NAV1: variants seen among roughly 807,000 people sequenced by gnomAD.
NAV1 encodes neuron navigator 1.
Under a neutral mutation model 175.2 loss-of-function variants are expected in NAV1, and 18 were observed. The observed-to-expected ratio is 0.10, with a 90% CI of 0.07 to 0.15. The LOEUF (loss-of-function observed/expected upper bound fraction) is 0.15, where lower values mean the gene tolerates loss of function less well. NAV1 is among the 10% of genes least tolerant of loss of function. The probability of loss-of-function intolerance (pLI) is 1.00; values close to 1 mark genes in which losing one functional copy is unlikely to be tolerated. For missense variants in NAV1, 1,731 were observed against 2,436.6 expected (o/e 0.71, Z 6.10); for synonymous variants, 897 against 978.7 (o/e 0.92, Z 1.56).
intron 3 of NAV1, among the ~76,000 whole-genome samples, chr1:201,759,550 G>A (rs1164306001): frequency 6.6e-6 from 1 of 152,206 alleles, no homozygotes; most frequent in African/African-American, 2.4e-5. Flanking sequence ...TAAAACTGCA[G>A]ATTTTCCTTT....
intron 1 of NAV1, among the ~76,000 whole-genome samples, chr1:201,624,842 T>C (rs1668284634): frequency 6.6e-6 from 1 of 152,124 alleles, no homozygotes; most frequent in Admixed American, 6.5e-5. Context: ...ATTTTGGGCA[T>C]AGAAAAGCTT....
chr1:201,542,383 C>A (rs1467305105), intron 1 of NAV1, among the ~76,000 whole-genome samples: 1 of 152,158 alleles, frequency 6.6e-6, no homozygotes. Context: ...ACTTGGCAAA[C>A]ACTTCGTCTT....
exon 30 of NAV1, chr1:201,825,716 C>G (rs1360502959): frequency 6.6e-6 from 1 of 152,630 alleles, no homozygotes; most frequent in African/African-American, 2.4e-5. Context: ...GGCTGGTGTG[C>G]AGTGGCACGA....
chr1:201,811,228 C>T (rs911509666), intron 24 of NAV1, among the ~76,000 whole-genome samples: 10 of 152,190 alleles, frequency 6.6e-5, no homozygotes, highest in African/African-American at 2.4e-4. Flanking sequence ...GTACATATTA[C>T]ACCCTCCCCT....
At chr1:201,583,235 T>C (rs541859399) in intron 1 of NAV1, among the ~76,000 whole-genome samples, 28 of 152,368 alleles carry the variant, frequency 1.8e-4, no homozygotes, top group African/African-American at 5.3e-4. Context: ...GGCTCGCCCG[T>C]GTTGGTATAA....
intron 2 of NAV1, among the ~76,000 whole-genome samples, chr1:201,614,049 T>C (rs903484544): frequency 1.8e-4 from 2 of 11,354 alleles, no homozygotes; most frequent in African/African-American, 7.0e-4. Flanking sequence ...GTTGGGAAGA[T>C]GGGGCTGGGG....
intron 1 of NAV1, among the ~76,000 whole-genome samples, chr1:201,708,747 TG>T (rs1216881699): frequency 6.6e-6 from 1 of 152,156 alleles, no homozygotes; most frequent in South Asian, 2.1e-4. Context: ...TCTGCATCTT[TG>T]CCATGTCTGG....
At chr1:201,545,680 T>C (rs1665648133) in intron 1 of NAV1, among the ~76,000 whole-genome samples, 1 of 152,252 alleles carries the variant, frequency 6.6e-6, no homozygotes, top group African/African-American at 2.4e-5. Flanking sequence ...TTTATGAGCT[T>C]ACTGGCACAG....
At chr1:201,814,271 G>A (rs1678884559) in intron 28 of NAV1, among the ~76,000 whole-genome samples, 1 of 151,630 alleles carries the variant, frequency 6.6e-6, no homozygotes, top group Admixed American at 6.6e-5. Flanking sequence ...TCTGGAGGGT[G>A]AGGCCAGAAG....
At chr1:201,640,055 T>G (rs934097289) in intron 2 of NAV1, among the ~76,000 whole-genome samples, 1 of 151,708 alleles carries the variant, frequency 6.6e-6, no homozygotes, top group African/African-American at 2.4e-5. Flanking sequence ...CCCGAGACGG[T>G]TGAGCTAGAG....
chr1:201,784,254 T>C (rs924690505), intron 7 of NAV1, among the ~76,000 whole-genome samples: 2 of 152,042 alleles, frequency 1.3e-5, no homozygotes, highest in African/African-American at 4.8e-5. Flanking sequence ...GCCTCCCAGG[T>C]TCAAGCAGTT....
chr1:201,793,909 T>TGTGGGGGGGGGGGGGGCCC, intron 14 of NAV1, 34 bp downstream of exon 18: 1 of 516,470 alleles, frequency 1.9e-6, no homozygotes, highest in Non-Finnish European at 3.9e-6. Context: ...GAGGGGTGGG[T>TGTGGGGGGGGGGGGGGCCC]GCGGCGAGGG....
chr1:201,648,635 C>T (rs1669067700), exon 1 of NAV1: 2 of 1,299,072 alleles, frequency 1.5e-6, no homozygotes, highest in Non-Finnish European at 1.9e-6. Flanking sequence ...TGCCTGCAGA[C>T]GCGCGGATCG....
chr1:201,581,959 G>A (rs1399873056), intron 1 of NAV1, among the ~76,000 whole-genome samples: 1 of 152,032 alleles, frequency 6.6e-6, no homozygotes, highest in African/African-American at 2.4e-5. Context: ...AGCTGGGGAT[G>A]GTGGCGGGCG....
chr1:201,619,407 C>A (rs1259847996), upstream of NAV1, among the ~76,000 whole-genome samples: 3 of 152,092 alleles, frequency 2.0e-5, no homozygotes, highest in Admixed American at 1.3e-4. Flanking sequence ...TGGGGAGGAA[C>A]TCCCAGGAGA....
In NAV1 at chr1:201,813,003, C is replaced by G. The variant is rs1678789354; in HGVS notation, c.5222-137C>G. 1.5e-6 allele frequency: 1 copy of G among 655,846 alleles called. No homozygotes were observed. The highest frequency in any genetic ancestry group is 2.7e-6 in the Non-Finnish European group (1 of 375,976). 40.6% of individuals were successfully genotyped at this position (655,846 alleles called of 1,614,324 possible). A position where few individuals can be genotyped will look rare whatever the true frequency, so the allele number is the denominator to read the frequency against. ...TTGCCATCTAGGCAGTCAGCACCCA[C>G]TAGTCTTGACAACTCTAAATTTCCT... On this transcript the variant is annotated intron_variant, in intron 27 of 29. Transcript: ENST00000367296. The surrounding 1 kb of genome is among the most constrained non-coding windows in gnomAD (Gnocchi z 4.2).
At chr1:201,642,774 C>CTCTTT (rs1375523978) in intron 2 of NAV1, among the ~76,000 whole-genome samples, 20 of 138,766 alleles carry the variant, frequency 1.4e-4, no homozygotes, top group African/African-American at 5.4e-4. Context: ...CTTTTCTCTT[C>CTCTTT]TCTTTTCTTT....
rs758740762 is a variant in NAV1, at chr1:201,788,480, C to T, written c.3008C>T (p.Ala1003Val). Residue 1003 changes from alanine to valine, a missense_variant, in exon 10 of 30, where the codon GCG (alanine) becomes GTG (valine). Physicochemically the swap from Ala to Val is moderately conservative, Grantham distance 64. Around this residue, in one of 13 missense-constraint regions of NAV1, gnomAD observed 634 missense variants for 766.8 expected, o/e 0.83. Coordinates refer to ENST00000367296, the Ensembl canonical transcript of NAV1. This position sits in a 1 kb window ranked among gnomAD's most constrained non-coding sequence, Gnocchi z 5.7. Reference sequence around the variant, plus strand: ...TCTGTCCTTCCAGTGAGTCCCACTGCGGCCACCACGCCAAGAATCACCCGC... The same window carrying T: ...TCTGTCCTTCCAGTGAGTCCCACTGTGGCCACCACGCCAAGAATCACCCGC... 2.7e-5 allele frequency: 43 copies of T among 1,613,936 alleles called. No homozygotes were observed. The highest frequency in any genetic ancestry group is 3.2e-5 in the Non-Finnish European group (38 of 1,180,002).
intron 1 of NAV1, among the ~76,000 whole-genome samples, chr1:201,660,912 C>CA (rs972649884): frequency 2.0e-5 from 3 of 151,952 alleles, no homozygotes; most frequent in Non-Finnish European, 4.4e-5. Flanking sequence ...CATGAGGGCT[C>CA]AAAAAAGCAC....
Sources: gnomAD v4.1 joint callset for allele counts (sites outside exome capture counted in the v4.1 genomes callset) on GRCh38, gnomAD v4.1.1 for gene constraint, gnomAD v4.1.1 regional missense constraint, Gnocchi (gnomAD v3.1) non-coding constraint, MANE v1.5 for transcripts, NCBI Gene and HGNC (gene_info 2026-07-23, HGNC 2026-07-21) for gene names.